The following FRMD3 variants were observed in gnomAD, a reference collection of about 807,000 sequenced individuals.
FRMD3 encodes FERM domain containing 3.
In FRMD3, 33 loss-of-function variants were observed where a neutral mutation model predicts 70.2. That is an observed-to-expected ratio of 0.47 (90% CI 0.36 to 0.63). The LOEUF (loss-of-function observed/expected upper bound fraction) is 0.63, where lower values mean the gene tolerates loss of function less well. Ranked by LOEUF, FRMD3 falls within the 20% of genes least tolerant of loss-of-function variation. The probability of loss-of-function intolerance (pLI) is 0.00; values close to 1 mark genes in which losing one functional copy is unlikely to be tolerated. For synonymous variants in FRMD3, 279 were observed against 255.9 expected (o/e 1.09, Z -0.86); for missense variants, 632 against 711.4 (o/e 0.89, Z 1.27).
At chr9:83,495,669 G>A (rs143196217) in intron 1 of FRMD3, among the ~76,000 whole-genome samples, 13 of 152,330 alleles carry the variant, frequency 8.5e-5, no homozygotes, top group Non-Finnish European at 1.8e-4. Context: ...GTACCTGCAT[G>A]TACTTAATGA....
At chr9:83,562,899 C>CG in the FRMD3 span, among the ~76,000 whole-genome samples, 2 of 151,842 alleles carry the variant, frequency 1.3e-5, no homozygotes, top group Non-Finnish European at 1.5e-5. Flanking sequence ...ATGCCCCCCC[C>CG]CCAGCACAGA....
At chr9:83,269,326 T>G (rs1833435458) in intron 13 of FRMD3, among the ~76,000 whole-genome samples, 1 of 152,228 alleles carries the variant, frequency 6.6e-6, no homozygotes, top group African/African-American at 2.4e-5. Flanking sequence ...GTAAAAAACC[T>G]GAAACAAAAC....
chr9:83,507,664 C>T (rs1403189200), intron 1 of FRMD3, among the ~76,000 whole-genome samples: 2 of 112,302 alleles, frequency 1.8e-5, no homozygotes, highest in Admixed American at 1.1e-4. Flanking sequence ...AGCGAAACTC[C>T]GTCTCAAACA....
At chr9:83,300,408 C>A (rs10867983) in intron 10 of FRMD3, among the ~76,000 whole-genome samples, 73,820 of 151,978 alleles carry the variant, frequency 0.49, 20,413 homozygotes, top group East Asian at 0.64. Context: ...CTAGAGAACT[C>A]AAAACACTCA....
At chr9:83,256,353 A>G (rs1273354232) in intron 13 of FRMD3, among the ~76,000 whole-genome samples, 1 of 152,118 alleles carries the variant, frequency 6.6e-6, no homozygotes, top group Non-Finnish European at 1.5e-5. Context: ...TCCTTACACC[A>G]TGTACAAAAA....
chr9:83,266,645 G>T (rs1467803896), intron 13 of FRMD3, among the ~76,000 whole-genome samples: 1 of 152,142 alleles, frequency 6.6e-6, no homozygotes, highest in Non-Finnish European at 1.5e-5. Flanking sequence ...ACAATGAAAG[G>T]AGGGGGAGCG....
chr9:83,388,097 C>G (rs1825563179), intron 2 of FRMD3, among the ~76,000 whole-genome samples: 1 of 152,130 alleles, frequency 6.6e-6, no homozygotes, highest in Non-Finnish European at 1.5e-5. Flanking sequence ...TACAGGAAAC[C>G]AAAATCCTTC....
At chr9:83,338,352 C>G (rs1043554168) in intron 5 of FRMD3, among the ~76,000 whole-genome samples, 2 of 152,130 alleles carry the variant, frequency 1.3e-5, no homozygotes, top group African/African-American at 4.8e-5. Context: ...ATATTATGAC[C>G]TAGCAATCCC....
the FRMD3 span, among the ~76,000 whole-genome samples, chr9:83,577,778 T>C: frequency 6.6e-6 from 1 of 151,354 alleles, no homozygotes; most frequent in Non-Finnish European, 1.5e-5. Flanking sequence ...TTCAAGCAAC[T>C]AGAAAAAGAA....
intron 2 of FRMD3, among the ~76,000 whole-genome samples, chr9:83,379,086 TGAG>T (rs767533358): frequency 1.3e-5 from 2 of 151,810 alleles, no homozygotes; most frequent in East Asian, 1.9e-4. Context: ...CTGTTCAACA[TGAG>T]GAGATTAATT....
chr9:83,381,353 G>A (rs1825346699), intron 2 of FRMD3, among the ~76,000 whole-genome samples: 2 of 152,130 alleles, frequency 1.3e-5, no homozygotes, highest in Admixed American at 6.5e-5. Flanking sequence ...TCAGGAGATC[G>A]AGACTGTCCT....
chr9:83,561,405 T>C, the FRMD3 span, among the ~76,000 whole-genome samples: 1 of 152,264 alleles, frequency 6.6e-6, no homozygotes, highest in South Asian at 2.1e-4. Flanking sequence ...TCAACAATCA[T>C]TTACAGGGCG....
At chr9:83,547,792 C>T in the FRMD3 span, among the ~76,000 whole-genome samples, 1 of 152,120 alleles carries the variant, frequency 6.6e-6, no homozygotes, top group Non-Finnish European at 1.5e-5. Context: ...CTTTAAGCAA[C>T]AAAACAAGTC....
chr9:83,332,048 C>T, intron 6 of FRMD3: 1 of 620,820 alleles, frequency 1.6e-6, no homozygotes, highest in Non-Finnish European at 2.9e-6. Context: ...GTGGGCGGAG[C>T]CCCCCAGCTG....
At chr9:83,370,864 T>C (rs373571499) in intron 3 of FRMD3, among the ~76,000 whole-genome samples, 31 of 152,120 alleles carry the variant, frequency 2.0e-4, no homozygotes, top group African/African-American at 5.3e-4. Context: ...TGAGCCAAGA[T>C]TGCACCACTG....
At chr9:83,420,755 T>C (rs959554181) in intron 1 of FRMD3, among the ~76,000 whole-genome samples, 1 of 152,030 alleles carries the variant, frequency 6.6e-6, no homozygotes, top group African/African-American at 2.4e-5. Context: ...TGAAATCTGA[T>C]TGTTAAAAAG....
intron 13 of FRMD3, chr9:83,267,104 C>T (rs1366144195): frequency 2.6e-6 from 4 of 1,550,734 alleles, no homozygotes; most frequent in East Asian, 2.4e-5. Context: ...TTGGAGGCTT[C>T]GTCGAGTCTG....
intron 2 of FRMD3, among the ~76,000 whole-genome samples, chr9:83,382,116 T>TATGAA (rs1209472174): frequency 6.6e-6 from 1 of 152,208 alleles, no homozygotes; most frequent in East Asian, 1.9e-4. Flanking sequence ...TGCAATCATC[T>TATGAA]ATGAAATGAA....
intron 13 of FRMD3, among the ~76,000 whole-genome samples, chr9:83,257,164 A>G (rs1030656085): frequency 6.6e-6 from 1 of 152,230 alleles, no homozygotes. Context: ...AATGTGGTAC[A>G]TATATACCAT....
Sources: allele counts gnomAD v4.1 joint callset (sites outside exome capture counted in the v4.1 genomes callset), GRCh38; gene constraint gnomAD v4.1.1; transcripts MANE v1.5; gene names NCBI Gene and HGNC (gene_info 2026-07-23, HGNC 2026-07-21).